CCDC57: variants seen among roughly 807,000 people sequenced by gnomAD.
CCDC57 encodes the protein coiled-coil domain-containing protein 57.
A neutral mutation model predicts 118.9 loss-of-function variants in CCDC57; 118 were observed. That is an observed-to-expected ratio of 0.99 (90% CI 0.86 to 1.16). The LOEUF (loss-of-function observed/expected upper bound fraction) is 1.16, where lower values mean the gene tolerates loss of function less well. Ranked by LOEUF, CCDC57 falls within the 50% of genes most tolerant of loss-of-function variation. The pLI, the probability that CCDC57 is intolerant of heterozygous loss-of-function variation, is 0.00. For synonymous variants in CCDC57, 527 were observed against 532.9 expected (o/e 0.99, Z 0.15); for missense variants, 1,300 against 1,320.7 (o/e 0.98, Z 0.24).
intron 13 of CCDC57, among the ~76,000 whole-genome samples, chr17:82,166,530 A>G (rs1301297303): frequency 6.6e-6 from 1 of 151,920 alleles, no homozygotes; most frequent in East Asian, 1.9e-4. Context: ...AAAACAAACA[A>G]ATACACAAAC....
chr17:82,162,073 C>A (rs539092136), intron 14 of CCDC57, among the ~76,000 whole-genome samples: 80 of 152,252 alleles, frequency 5.3e-4, no homozygotes, highest in Admixed American at 2.4e-3. Flanking sequence ...AATCTCGGCT[C>A]ACTGCAACCT....
exon 20 of CCDC57, chr17:82,101,555 TG>T: frequency 1.3e-6 from 1 of 798,678 alleles, no homozygotes; most frequent in Non-Finnish European, 1.9e-6. Flanking sequence ...TTTGGGAGCC[TG>T]CCCTGCAGCT....
At chr17:82,108,270 T>C (rs1035231331) in intron 19 of CCDC57, among the ~76,000 whole-genome samples, 1 of 151,984 alleles carries the variant, frequency 6.6e-6, no homozygotes, top group South Asian at 2.1e-4. Context: ...GGTCCTGGAG[T>C]TGTGCTGAGA....
At chr17:82,158,022 G>A (rs1264208311) in intron 14 of CCDC57, 74 bp from the exon 14 acceptor site, 21 of 1,489,088 alleles carry the variant, frequency 1.4e-5, no homozygotes, top group Non-Finnish European at 1.8e-5. Flanking sequence ...GGCACTGACA[G>A]GAAGCGCTGT....
At chr17:82,168,113 T>C (rs760024003) in intron 13 of CCDC57, among the ~76,000 whole-genome samples, 10 of 152,230 alleles carry the variant, frequency 6.6e-5, no homozygotes, top group Non-Finnish European at 1.5e-4. Context: ...TTCACTCTCA[T>C]TCCTGAAGAA....
intron 16 of CCDC57, among the ~76,000 whole-genome samples, chr17:82,147,473 A>T (rs1048067443): frequency 4.0e-4 from 60 of 149,040 alleles, no homozygotes; most frequent in African/African-American, 1.4e-3. Flanking sequence ...GGATAGGTGT[A>T]TGGACGGATG....
At chr17:82,168,182 A>C (rs1035095754) in intron 13 of CCDC57, among the ~76,000 whole-genome samples, 1 of 152,196 alleles carries the variant, frequency 6.6e-6, no homozygotes, top group African/African-American at 2.4e-5. Flanking sequence ...TACTTGAAAA[A>C]TATTATGCCA....
At chr17:82,138,882 C>T (rs925596597) in intron 16 of CCDC57, among the ~76,000 whole-genome samples, 5 of 152,186 alleles carry the variant, frequency 3.3e-5, no homozygotes, top group African/African-American at 1.2e-4. Flanking sequence ...AGGCATAAAC[C>T]CCGTCACTGC....
At chr17:82,115,666 T>C (rs2035790484) in intron 19 of CCDC57, among the ~76,000 whole-genome samples, 1 of 151,768 alleles carries the variant, frequency 6.6e-6, no homozygotes, top group African/African-American at 2.4e-5. Flanking sequence ...TCCCAGCTAC[T>C]CAGGAGGATG....
At chr17:82,134,036 T>C in intron 17 of CCDC57, 37 bp downstream of exon 16, 1 of 1,344,740 alleles carries the variant, frequency 7.4e-7, no homozygotes, top group South Asian at 2.0e-5. Flanking sequence ...TAGGGAAATA[T>C]TTTTAAAAAT....
chr17:82,134,935 T>A (rs1330260038), intron 16 of CCDC57, among the ~76,000 whole-genome samples: 4 of 152,196 alleles, frequency 2.6e-5, no homozygotes, highest in Admixed American at 6.6e-5. Flanking sequence ...TCATGTTATG[T>A]TATGTAAAGA....
intron 17 of CCDC57, among the ~76,000 whole-genome samples, 178 bp from the exon 17 acceptor site, chr17:82,128,775 A>T (rs1162055795): frequency 3.3e-5 from 5 of 152,110 alleles, no homozygotes; most frequent in African/African-American, 1.2e-4. Flanking sequence ...GGAGGAATGG[A>T]GCAGGCTTCC....
chr17:82,188,323 C>A, exon 8 of CCDC57: 2 of 1,607,066 alleles, frequency 1.2e-6, no homozygotes, highest in African/African-American at 2.7e-5. Context: ...GCTCCAGAAC[C>A]CTGGTCTGCA....
At chr17:82,144,401 G>GC (rs1292401621) in intron 16 of CCDC57, among the ~76,000 whole-genome samples, 1 of 152,116 alleles carries the variant, frequency 6.6e-6, no homozygotes, top group Non-Finnish European at 1.5e-5. Context: ...CAGATACATA[G>GC]CATGTACTCC....
intron 13 of CCDC57, among the ~76,000 whole-genome samples, chr17:82,170,835 T>C (rs920704705): frequency 1.3e-5 from 2 of 152,032 alleles, no homozygotes; most frequent in Non-Finnish European, 2.9e-5. Context: ...TAAACCAAAA[T>C]AGGATGTGCT....
intron 19 of CCDC57, among the ~76,000 whole-genome samples, chr17:82,115,420 C>T (rs371325634): frequency 1.6e-4 from 25 of 152,208 alleles, no homozygotes; most frequent in South Asian, 6.2e-4. Flanking sequence ...ATTCTACAAA[C>T]AGTTTAAAAA....
intron 13 of CCDC57, among the ~76,000 whole-genome samples, chr17:82,171,403 A>T (rs2044711005): frequency 7.1e-6 from 1 of 140,964 alleles, no homozygotes; most frequent in African/African-American, 2.7e-5. Context: ...TGGAGGGAGC[A>T]CAAGGAATTC....
At chr17:82,211,956 C>A (rs1319062928) in intron 1 of CCDC57, among the ~76,000 whole-genome samples, 1 of 152,142 alleles carries the variant, frequency 6.6e-6, no homozygotes, top group Non-Finnish European at 1.5e-5. Context: ...GTTTCTGTAA[C>A]CATTTATCTT....
At chr17:82,210,285 T>C (rs1238746155) in intron 1 of CCDC57, among the ~76,000 whole-genome samples, 2 of 151,320 alleles carry the variant, frequency 1.3e-5, no homozygotes, top group African/African-American at 4.9e-5. Flanking sequence ...GTAGGAGTAA[T>C]GGAAACAGAA....
Sources: allele counts gnomAD v4.1 joint callset (sites outside exome capture counted in the v4.1 genomes callset), GRCh38; gene constraint gnomAD v4.1.1; transcripts MANE v1.5; gene names NCBI Gene and HGNC (gene_info 2026-07-23, HGNC 2026-07-21).